CBR4: variants seen among roughly 807,000 people sequenced by gnomAD.
The protein encoded by CBR4 is 3-oxoacyl-[acyl-carrier-protein] reductase.
A neutral mutation model predicts 21.0 loss-of-function variants in CBR4; 22 were observed. That is an observed-to-expected ratio of 1.05 (90% CI 0.75 to 1.50). CBR4 has a LOEUF of 1.50. CBR4 is among the 40% of genes most tolerant of loss of function. The pLI is 0.00. For synonymous variants in CBR4, 100 were observed against 104.4 expected (o/e 0.96, Z 0.26); for missense variants, 302 against 286.3 (o/e 1.05, Z -0.40).
intron 2 of CBR4, among the ~76,000 whole-genome samples, chr4:168,947,842 G>C (rs897895203): frequency 2.6e-5 from 4 of 152,276 alleles, no homozygotes; most frequent in African/African-American, 9.6e-5. Context: ...ATAAATGTGT[G>C]TGCAAGTATC....
chr4:169,006,509 T>A (rs1285738117), intron 3 of CBR4, among the ~76,000 whole-genome samples: 1 of 152,226 alleles, frequency 6.6e-6, no homozygotes, highest in Non-Finnish European at 1.5e-5. Flanking sequence ...ATATCATTTA[T>A]CACATGGCTG....
chr4:168,957,859 C>T (rs1212105643), intron 2 of CBR4, among the ~76,000 whole-genome samples: 1 of 152,094 alleles, frequency 6.6e-6, no homozygotes, highest in Non-Finnish European at 1.5e-5. Context: ...ATGCTGTTCT[C>T]GTGATAGTGA....
chr4:169,009,424 G>T (rs963492089), intron 1 of CBR4, among the ~76,000 whole-genome samples: 6 of 152,148 alleles, frequency 3.9e-5, no homozygotes, highest in Non-Finnish European at 5.9e-5. Context: ...TACTCAAAAG[G>T]GTTTCTCTAT....
intron 2 of CBR4, chr4:168,926,737 G>A (rs1000893748): frequency 7.2e-6 from 2 of 276,556 alleles, no homozygotes; most frequent in African/African-American, 4.3e-5. Context: ...TATAGGTGCT[G>A]TGTAGCCTGA....
chr4:168,937,044 C>G (rs746561704), intron 2 of CBR4, among the ~76,000 whole-genome samples: 5 of 152,084 alleles, frequency 3.3e-5, no homozygotes, highest in Non-Finnish European at 5.9e-5. Context: ...GAGAAAGATC[C>G]TCCTTTGGAG....
intron 2 of CBR4, among the ~76,000 whole-genome samples, chr4:168,937,240 C>G (rs1763138162): frequency 6.6e-6 from 1 of 152,116 alleles, no homozygotes; most frequent in Non-Finnish European, 1.5e-5. Context: ...GAAATAAAAT[C>G]CTTTACACAC....
In CBR4 at chr4:168,904,138, G is replaced by A. The variant is rs1013893967; in HGVS notation, n.170-9373C>T. 3 of 523,326 alleles carry A rather than the reference G, an allele frequency of 5.7e-6. No individual in the cohort carries two copies. The South Asian group carries it at 6.1e-5, about 11-fold the overall frequency. 32.4% of individuals were successfully genotyped at this position (523,326 alleles called of 1,614,324 possible). A position where few individuals can be genotyped will look rare whatever the true frequency, so the allele number is the denominator to read the frequency against. On this transcript the variant is annotated intron_variant and non_coding_transcript_variant, in intron 2 of 3. Coordinates refer to the CBR4 transcript ENST00000509108. The stretch of plus-strand genomic sequence containing the variant: ...ACTCCTTCCACAAATATTATTAAGG[G>A]TCTAATATGTACACACTTTCTATGT...
At chr4:168,895,896 T>A (rs1755024661) in intron 2 of CBR4, among the ~76,000 whole-genome samples, 1 of 152,192 alleles carries the variant, frequency 6.6e-6, no homozygotes, top group Non-Finnish European at 1.5e-5. Flanking sequence ...CATTATAAGT[T>A]GAAAATATTG....
At chr4:168,910,141 T>G (rs1177268977) in intron 2 of CBR4, among the ~76,000 whole-genome samples, 1 of 152,020 alleles carries the variant, frequency 6.6e-6, no homozygotes, top group African/African-American at 2.4e-5. Flanking sequence ...GTATATATGG[T>G]TCTAAGCAGT....
chr4:168,953,531 T>G (rs1763604730), intron 2 of CBR4, among the ~76,000 whole-genome samples: 1 of 151,546 alleles, frequency 6.6e-6, no homozygotes, highest in East Asian at 1.9e-4. Flanking sequence ...GACCAAGCAA[T>G]CCTCCTACAT....
Position 169,010,184 on chromosome 4 carries a change from AAAAAAG to A in CBR4, c.-101_-96del. ...TAAACAACCGCGGTTCCAAAAAAAA[AAAAAAG>A]AAAAAAAAAGGCAAACCGCAAAAAA... On this transcript the variant is annotated 5_prime_UTR_variant, in exon 1 of 5. Coordinates refer to ENST00000306193, the MANE Select transcript of CBR4 (RefSeq NM_032783.5). 1 of 1,162,376 alleles carries A rather than the reference AAAAAAG, an allele frequency of 8.6e-7. No individual in the cohort carries two copies. Among genetic ancestry groups the A allele is most frequent in the Non-Finnish European group, 1.2e-6 (1 of 855,860 alleles). The allele number at this position is 1,162,376 out of a possible 1,614,324, so 72.0% of individuals were successfully genotyped here. A position where few individuals can be genotyped will look rare whatever the true frequency, so the allele number is the denominator to read the frequency against.
rs529187952 is a variant in CBR4 at position 168,933,477 on chromosome 4, T to C, written n.170-38712A>G. ...CAAGAAGACATAACAATGGTAAATA[T>C]ATATGCACCCAACACTGAAGCACCC... On this transcript the variant is annotated intron_variant and non_coding_transcript_variant, in intron 2 of 3. Transcript: ENST00000509108. Among the ~76,000 whole-genome samples the C allele has an allele frequency of 5.9e-5, 9 of 152,264 alleles. No homozygotes were observed. In the South Asian group the frequency reaches 1.4e-3, roughly 25 times the overall value.
intron 4 of CBR4, among the ~76,000 whole-genome samples, chr4:169,000,627 G>A (rs1040518091): frequency 2.0e-5 from 3 of 152,166 alleles, no homozygotes; most frequent in African/African-American, 7.2e-5. Flanking sequence ...TTATATAGGT[G>A]ATTAATTCTT....
At chr4:168,959,070 T>C (rs1343735616) in intron 2 of CBR4, among the ~76,000 whole-genome samples, 1 of 152,192 alleles carries the variant, frequency 6.6e-6, no homozygotes, top group African/African-American at 2.4e-5. Context: ...CCATTTTTTT[T>C]CTGTATGGTT....
chr4:169,004,938 T>C (rs1233554999), intron 3 of CBR4, among the ~76,000 whole-genome samples: 1 of 152,186 alleles, frequency 6.6e-6, no homozygotes, highest in Non-Finnish European at 1.5e-5. Context: ...GAAGTAATTT[T>C]CTGCACCACT....
At chr4:168,894,736 T>C in exon 3 of CBR4, 2 of 1,578,316 alleles carry the variant, frequency 1.3e-6, no homozygotes, top group Non-Finnish European at 1.7e-6. Context: ...TTTTCCATCT[T>C]CCTTATGGAT....
chr4:169,002,631 C>G (rs1011793983), intron 3 of CBR4, among the ~76,000 whole-genome samples: 4 of 152,146 alleles, frequency 2.6e-5, no homozygotes, highest in Admixed American at 6.5e-5. Flanking sequence ...GCAGAAAGCT[C>G]TCGTTTTCAC....
At chr4:168,941,614 T>C (rs1412022935) in intron 2 of CBR4, among the ~76,000 whole-genome samples, 1 of 152,234 alleles carries the variant, frequency 6.6e-6, no homozygotes, top group Admixed American at 6.5e-5. Flanking sequence ...ATGGAATTTC[T>C]GGTTCTAGAT....
At chr4:168,948,968 T>G (rs1351723355) in intron 2 of CBR4, among the ~76,000 whole-genome samples, 1 of 152,252 alleles carries the variant, frequency 6.6e-6, no homozygotes, top group Non-Finnish European at 1.5e-5. Flanking sequence ...TATGGTCATT[T>G]TCACAATATT....
Sources: gnomAD v4.1 joint callset for allele counts (sites outside exome capture counted in the v4.1 genomes callset) on GRCh38, gnomAD v4.1.1 for gene constraint, MANE v1.5 for transcripts, NCBI Gene and HGNC (gene_info 2026-07-23, HGNC 2026-07-21) for gene names.